The following PID1 variants were observed in gnomAD, a reference collection of about 807,000 sequenced individuals.
PID1 encodes the protein PTB-containing, cubilin and LRP1-interacting protein.
A neutral mutation model predicts 19.1 loss-of-function variants in PID1; 10 were observed. That is an observed-to-expected ratio of 0.52 (90% CI 0.32 to 0.89). The LOEUF (loss-of-function observed/expected upper bound fraction) is 0.89, where lower values mean the gene tolerates loss of function less well. Ranked by LOEUF, PID1 falls within the 40% of genes least tolerant of loss-of-function variation. The pLI, the probability that PID1 is intolerant of heterozygous loss-of-function variation, is 0.03. For synonymous variants in PID1, 130 were observed against 116.0 expected (o/e 1.12, Z -0.78); for missense variants, 248 against 285.3 (o/e 0.87, Z 0.94).
intron 1 of PID1, among the ~76,000 whole-genome samples, chr2:229,234,357 G>A (rs1692279155): frequency 7.2e-6 from 1 of 138,966 alleles, no homozygotes. Context: ...ATGTAGAAGA[G>A]GGAAGAAGAC....
intron 2 of PID1, among the ~76,000 whole-genome samples, chr2:229,037,547 T>C (rs73998519): frequency 0.034 from 5,166 of 152,288 alleles, 309 homozygotes; most frequent in African/African-American, 0.12. Flanking sequence ...GTGTGAAGCT[T>C]GGAAATATTG....
intron 1 of PID1, among the ~76,000 whole-genome samples, chr2:229,203,084 AAAG>A (rs1366914521): frequency 6.6e-6 from 1 of 152,128 alleles, no homozygotes; most frequent in Non-Finnish European, 1.5e-5. Flanking sequence ...ACCGGTTACA[AAAG>A]AAGATCATTC....
chr2:229,242,121 C>T (rs924314658), intron 1 of PID1, among the ~76,000 whole-genome samples: 3 of 152,154 alleles, frequency 2.0e-5, no homozygotes, highest in Non-Finnish European at 4.4e-5. Context: ...ATCCTCTGGC[C>T]TTGGCCTTCC....
At chr2:229,056,746 C>T (rs1694110967) in intron 2 of PID1, among the ~76,000 whole-genome samples, 1 of 151,854 alleles carries the variant, frequency 6.6e-6, no homozygotes, top group African/African-American at 2.4e-5. Context: ...AAATCAATTT[C>T]CAGGGTAATA....
intron 1 of PID1, among the ~76,000 whole-genome samples, chr2:229,229,477 T>A (rs547357084): frequency 1.1e-4 from 15 of 136,550 alleles, no homozygotes; most frequent in African/African-American, 3.4e-4. Context: ...TACAAAAAAA[T>A]ATATGAAAAA....
intron 2 of PID1, among the ~76,000 whole-genome samples, chr2:229,031,684 C>A (rs546150500): frequency 5.3e-5 from 8 of 152,162 alleles, no homozygotes; most frequent in African/African-American, 1.9e-4. Context: ...CTTTAAATAG[C>A]GTGTCCCTAA....
chr2:229,243,235 A>T (rs1013860426), intron 1 of PID1, among the ~76,000 whole-genome samples: 1 of 152,134 alleles, frequency 6.6e-6, no homozygotes, highest in Non-Finnish European at 1.5e-5. Context: ...TCATGAGAAC[A>T]GCATGGGAAA....
intron 2 of PID1, among the ~76,000 whole-genome samples, chr2:229,102,412 T>G (rs188426310): frequency 2.0e-5 from 3 of 152,222 alleles, no homozygotes; most frequent in Admixed American, 1.3e-4. Flanking sequence ...AATAGAAGAC[T>G]CACTAGTTAG....
intron 2 of PID1, among the ~76,000 whole-genome samples, chr2:229,029,638 G>A (rs764982917): frequency 1.3e-5 from 2 of 151,914 alleles, no homozygotes; most frequent in African/African-American, 4.8e-5. Flanking sequence ...TCAGGAGTTC[G>A]AGACCAGCCT....
intron 2 of PID1, among the ~76,000 whole-genome samples, chr2:229,081,283 A>G (rs1694664010): frequency 6.6e-6 from 1 of 152,238 alleles, no homozygotes; most frequent in Admixed American, 6.5e-5. Flanking sequence ...CTACCAAGGT[A>G]GTTAAAACAT....
intron 1 of PID1, among the ~76,000 whole-genome samples, chr2:229,222,833 T>G (rs1692000500): frequency 6.7e-6 from 1 of 150,346 alleles, no homozygotes; most frequent in South Asian, 2.1e-4. Context: ...CATAAGCCAA[T>G]TCCTAATTTT....
chr2:229,045,985 C>T (rs1191149740), intron 2 of PID1, among the ~76,000 whole-genome samples: 1 of 152,172 alleles, frequency 6.6e-6, no homozygotes, highest in African/African-American at 2.4e-5. Flanking sequence ...AGTGCCACAG[C>T]CCAAATTAAA....
intron 1 of PID1, among the ~76,000 whole-genome samples, chr2:229,215,741 C>A (rs73998590): frequency 6.6e-6 from 1 of 152,060 alleles, no homozygotes; most frequent in Non-Finnish European, 1.5e-5. Flanking sequence ...ACAGATATGG[C>A]AGAGAAATGT....
intron 2 of PID1, among the ~76,000 whole-genome samples, chr2:229,031,453 A>G (rs2106165588): frequency 6.6e-6 from 1 of 151,970 alleles, no homozygotes; most frequent in Non-Finnish European, 1.5e-5. Flanking sequence ...GCTACTCAGG[A>G]GGCTGAGCAG....
At chr2:229,194,972 T>C (rs977761825) in intron 1 of PID1, among the ~76,000 whole-genome samples, 1 of 151,916 alleles carries the variant, frequency 6.6e-6, no homozygotes, top group Non-Finnish European at 1.5e-5. Context: ...CAGTTTAATA[T>C]ATCTTTGCGG....
At chr2:229,260,472 ATATATATG>A (rs1420178571) in intron 1 of PID1, among the ~76,000 whole-genome samples, 3 of 150,710 alleles carry the variant, frequency 2.0e-5, no homozygotes, top group Admixed American at 6.6e-5. Flanking sequence ...GCATATATAT[ATATATATG>A]TATATATGTA....
chr2:229,121,274 T>C (rs574547810), intron 2 of PID1, among the ~76,000 whole-genome samples: 37 of 152,270 alleles, frequency 2.4e-4, no homozygotes, highest in African/African-American at 8.7e-4. Flanking sequence ...ACAGTAATTT[T>C]TGAACCTCAA....
intron 2 of PID1, among the ~76,000 whole-genome samples, chr2:229,097,852 G>T (rs1424387722): frequency 6.6e-6 from 1 of 152,106 alleles, no homozygotes; most frequent in Non-Finnish European, 1.5e-5. Context: ...CAAGCAAGGA[G>T]AAATTCTCAG....
chr2:229,076,725 ACT>A (rs913685052), intron 2 of PID1, among the ~76,000 whole-genome samples: 1 of 150,934 alleles, frequency 6.6e-6, no homozygotes, highest in Non-Finnish European at 1.5e-5. Flanking sequence ...ACATGAACTC[ACT>A]CTCTTTTATG....
Sources: allele counts gnomAD v4.1 joint callset (sites outside exome capture counted in the v4.1 genomes callset), GRCh38; gene constraint gnomAD v4.1.1; transcripts MANE v1.5; gene names NCBI Gene and HGNC (gene_info 2026-07-23, HGNC 2026-07-21).